KAT6B: variants seen among roughly 807,000 people sequenced by gnomAD.
The protein encoded by KAT6B is lysine acetyltransferase 6B, also known as histone acetyltransferase KAT6B.
KAT6B carries 10 observed loss-of-function variants against 187.5 expected under a neutral mutation model. The ratio of observed to expected loss-of-function variants is 0.05; its 90% CI spans 0.03 to 0.09. KAT6B has a LOEUF of 0.09. Ranked by LOEUF, KAT6B falls within the 10% of genes least tolerant of loss-of-function variation. The pLI is 1.00. For missense variants in KAT6B, 1,952 were observed against 2,558.9 expected, an observed-to-expected ratio of 0.76 and a Z score of 5.12; for synonymous variants, 861 against 926.8, an observed-to-expected ratio of 0.93 and a Z score of 1.29.
chr10:74,993,255 C>G (rs766236250), intron 13 of KAT6B, among the ~76,000 whole-genome samples: 1 of 152,234 alleles, frequency 6.6e-6, no homozygotes, highest in Non-Finnish European at 1.5e-5. Context: ...CCTTATCCAT[C>G]TCACTATTTT....
At chr10:74,873,529 T>C (rs1844171048) in intron 3 of KAT6B, among the ~76,000 whole-genome samples, 1 of 151,958 alleles carries the variant, frequency 6.6e-6, no homozygotes, top group Non-Finnish European at 1.5e-5. Flanking sequence ...CCAGGGGAGC[T>C]ATAGAGGAGC....
At chr10:74,835,109 T>C (rs1841188828) in intron 1 of KAT6B, among the ~76,000 whole-genome samples, 1 of 152,168 alleles carries the variant, frequency 6.6e-6, no homozygotes, top group South Asian at 2.1e-4. Flanking sequence ...GTAAGCATAA[T>C]ACTAAGTGGG....
At chr10:74,884,041 TG>T (rs939369252) in intron 3 of KAT6B, among the ~76,000 whole-genome samples, 2 of 152,192 alleles carry the variant, frequency 1.3e-5, no homozygotes, top group African/African-American at 4.8e-5. Context: ...TTCATGGAGA[TG>T]GGAGAGAAAA....
chr10:74,920,966 G>C (rs746793685), intron 3 of KAT6B, among the ~76,000 whole-genome samples: 7 of 152,042 alleles, frequency 4.6e-5, no homozygotes, highest in Non-Finnish European at 7.4e-5. Flanking sequence ...AAGATTATTT[G>C]GCTTGCTCAT....
intron 13 of KAT6B, among the ~76,000 whole-genome samples, chr10:74,999,731 C>T (rs565706772): frequency 5.9e-5 from 9 of 152,188 alleles, no homozygotes; most frequent in Non-Finnish European, 1.3e-4. Context: ...GTTACTGTGA[C>T]CATCTCTCTT....
chr10:75,031,065 A>G lies in KAT6B; in HGVS notation c.*19A>G. On this transcript the variant is annotated 3_prime_UTR_variant, in exon 18 of 18. Coordinates refer to ENST00000287239, the MANE Select transcript of KAT6B (RefSeq NM_012330.4). Reference sequence around the variant, plus strand: ...AAGGTAGACAACGTGGGCAGTCCACAAAACCTACGGGGCATCACTATTGGA... The same window carrying G: ...AAGGTAGACAACGTGGGCAGTCCACGAAACCTACGGGGCATCACTATTGGA... 5 of 1,613,676 alleles carry G rather than the reference A, an allele frequency of 3.1e-6. No homozygotes were observed. The highest frequency in any genetic ancestry group is 3.3e-4 in the Middle Eastern group (2 of 6,062).
chr10:74,891,546 G>C (rs535537804), intron 3 of KAT6B, among the ~76,000 whole-genome samples: 1 of 152,288 alleles, frequency 6.6e-6, no homozygotes, highest in East Asian at 1.9e-4. Flanking sequence ...TATCATTTTA[G>C]TAAATGGATA....
intron 1 of KAT6B, among the ~76,000 whole-genome samples, chr10:74,828,828 A>G (rs1840499249): frequency 6.6e-6 from 1 of 151,924 alleles, no homozygotes; most frequent in African/African-American, 2.4e-5. Flanking sequence ...CGGCCTCCCA[A>G]AGTGCTGGGA....
Position 74,842,657 on chromosome 10 carries a change from A to G in KAT6B, c.-201A>G, listed in dbSNP as rs1340643525. 11 of 632,190 alleles carry G rather than the reference A, an allele frequency of 1.7e-5. No individual in the cohort carries two copies. Among genetic ancestry groups the G allele is most frequent in the South Asian group, 1.9e-5 (1 of 52,302 alleles). 39.2% of individuals were successfully genotyped at this position (632,190 alleles called of 1,614,324 possible). The stretch of plus-strand genomic sequence containing the variant: ...CCGAATGCAGTCTTTCCTGTTGGTA[A>G]AATAAGACAACCATCAACATTGCCT... On this transcript the variant is annotated 5_prime_UTR_variant, in exon 3 of 18. Coordinates refer to ENST00000287239, the MANE Select transcript of KAT6B (RefSeq NM_012330.4).
intron 3 of KAT6B, among the ~76,000 whole-genome samples, chr10:74,864,606 A>G (rs772984504): frequency 4.6e-5 from 7 of 151,728 alleles, no homozygotes; most frequent in Non-Finnish European, 1.0e-4. Context: ...CAGTAGTGTG[A>G]TTTCAGCTCA....
intron 3 of KAT6B, among the ~76,000 whole-genome samples, chr10:74,881,906 C>T (rs954437712): frequency 1.3e-5 from 2 of 152,208 alleles, no homozygotes; most frequent in African/African-American, 2.4e-5. Flanking sequence ...ATCCTCCTGC[C>T]TCAGCCTCCC....
At chr10:74,904,885 G>A (rs117258706) in intron 3 of KAT6B, among the ~76,000 whole-genome samples, 293 of 152,178 alleles carry the variant, frequency 1.9e-3, no homozygotes, top group Non-Finnish European at 3.6e-3. Context: ...CACAGCAGTG[G>A]CCTCTATTTG....
Position 75,029,854 on chromosome 10 carries a change from C to A in KAT6B, c.5030C>A (p.Thr1677Asn). Residue 1677 changes from threonine (T) to asparagine (N), a missense_variant, in exon 18 of 18, where the codon ACT becomes AAT. Around this residue, in one of 9 missense-constraint regions of KAT6B, gnomAD observed 87 missense variants for 167.5 expected, o/e 0.52. Transcript: ENST00000287239. The surrounding 1 kb of genome is among the most constrained non-coding windows in gnomAD (Gnocchi z 6.2). ...GACCTGGGCAGTATCGAGAGCACAA[C>A]TGAGAACTACGAAAACCCAAGCAGC... ...FSDLGSIESTTENYENPSSYD... is the reference protein window; with the variant it reads ...FSDLGSIESTNENYENPSSYD... 1 of 1,614,180 alleles carries A rather than the reference C, an allele frequency of 6.2e-7. No homozygotes were observed. The highest frequency in any genetic ancestry group is 8.5e-7 in the Non-Finnish European group (1 of 1,180,036).
At chr10:74,935,646 A>G (rs973552709) in intron 3 of KAT6B, among the ~76,000 whole-genome samples, 1 of 152,232 alleles carries the variant, frequency 6.6e-6, no homozygotes, top group African/African-American at 2.4e-5. Flanking sequence ...AGTAAAATTG[A>G]ACAAAATCCT....
intron 3 of KAT6B, among the ~76,000 whole-genome samples, chr10:74,868,813 T>C (rs1190358361): frequency 6.6e-6 from 1 of 152,218 alleles, no homozygotes; most frequent in Non-Finnish European, 1.5e-5. Flanking sequence ...GCAGGTCTTG[T>C]TAGCTCCATG....
chr10:74,930,158 G>C (rs767098480), intron 3 of KAT6B, among the ~76,000 whole-genome samples: 9 of 152,024 alleles, frequency 5.9e-5, no homozygotes. Context: ...CCTGGCCTCA[G>C]GTAATCCACC....
intron 17 of KAT6B, among the ~76,000 whole-genome samples, chr10:75,027,558 T>A (rs1845961772): frequency 6.6e-6 from 1 of 152,008 alleles, no homozygotes; most frequent in African/African-American, 2.4e-5. Context: ...TTAAGAATAC[T>A]TGGGTGCTTC....
At chr10:74,910,187 A>G (rs1336441053) in intron 3 of KAT6B, among the ~76,000 whole-genome samples, 1 of 151,560 alleles carries the variant, frequency 6.6e-6, no homozygotes, top group Non-Finnish European at 1.5e-5. Flanking sequence ...AATCCCAGCT[A>G]TTTGGGAGGC....
At chr10:75,013,035 C>T (rs1844723767) in intron 13 of KAT6B, among the ~76,000 whole-genome samples, 1 of 152,098 alleles carries the variant, frequency 6.6e-6, no homozygotes. Flanking sequence ...CTTAGAGTAA[C>T]AGGCTGGTAT....
Sources: allele counts gnomAD v4.1 joint callset (sites outside exome capture counted in the v4.1 genomes callset), GRCh38; gene constraint gnomAD v4.1.1; regional missense constraint gnomAD v4.1.1; non-coding constraint Gnocchi (gnomAD v3.1); transcripts MANE v1.5; gene names NCBI Gene and HGNC (gene_info 2026-07-23, HGNC 2026-07-21).